The following KCNIP4 variants were observed in gnomAD, a reference collection of about 807,000 sequenced individuals.
KCNIP4 encodes the protein potassium voltage-gated channel interacting protein 4, also known as Kv channel-interacting protein 4.
A neutral mutation model predicts 34.0 loss-of-function variants in KCNIP4; 12 were observed. That is an observed-to-expected ratio of 0.35 (90% CI 0.23 to 0.57). The LOEUF (loss-of-function observed/expected upper bound fraction) is 0.57. Ranked by LOEUF, KCNIP4 falls within the 20% of genes least tolerant of loss-of-function variation. KCNIP4 has a pLI of 0.83. For missense variants in KCNIP4, 238 were observed against 311.7 expected, an observed-to-expected ratio of 0.76 and a Z score of 1.78; for synonymous variants, 124 against 102.2, an observed-to-expected ratio of 1.21 and a Z score of -1.29.
rs1171436191 is a variant in KCNIP4, at chr4:21,455,808, CATATATATATATATATAT to C, written c.61+492745_61+492762del. Among the ~76,000 whole-genome samples, 39 of 71,906 alleles carry C rather than the reference CATATATATATATATATAT, an allele frequency of 5.4e-4. 2 individuals carry two copies. The highest frequency in any genetic ancestry group is 3.2e-3 in the East Asian group (6 of 1,882). 47.2% of individuals were successfully genotyped at this position (71,906 alleles called of 152,430 possible). On this transcript the variant is annotated intron_variant, in intron 1 of 8. Coordinates refer to ENST00000382152, the MANE Select transcript of KCNIP4 (RefSeq NM_025221.6). ...TTAATGTGATAGTCTTACAGATATT[CATATATATATATATATAT>C]ATATATATATATATATATATATATA... is the stretch of plus-strand genomic sequence containing the variant.
intron 1 of KCNIP4, among the ~76,000 whole-genome samples, chr4:21,560,365 C>T (rs749364363): frequency 8.5e-5 from 13 of 152,082 alleles, no homozygotes; most frequent in African/African-American, 3.1e-4. Flanking sequence ...TGCAATTGAG[C>T]CTTATTAAAA....
At chr4:20,998,644 C>T (rs1419531956) in intron 1 of KCNIP4, among the ~76,000 whole-genome samples, 1 of 152,228 alleles carries the variant, frequency 6.6e-6, no homozygotes, top group East Asian at 1.9e-4. Flanking sequence ...AATTTTAATT[C>T]ACATCTCATT....
chr4:21,304,735 C>T (rs1001938183), intron 1 of KCNIP4: 1 of 152,154 alleles, frequency 6.6e-6, no homozygotes, highest in Non-Finnish European at 1.5e-5. Flanking sequence ...AAAGCTCAGT[C>T]ACTGAGCACT....
At chr4:21,744,640 A>G (rs906711681) in intron 1 of KCNIP4, among the ~76,000 whole-genome samples, 30 of 152,086 alleles carry the variant, frequency 2.0e-4, no homozygotes, top group African/African-American at 7.0e-4. Context: ...AGCCTCTGGG[A>G]CCCTGCTATA....
chr4:20,913,390 A>T (rs1728511692), intron 1 of KCNIP4, among the ~76,000 whole-genome samples: 1 of 152,218 alleles, frequency 6.6e-6, no homozygotes, highest in African/African-American at 2.4e-5. Context: ...AGAAAGAGGG[A>T]ATAGCAAGTA....
chr4:21,195,998 T>G (rs1756030718), intron 1 of KCNIP4, among the ~76,000 whole-genome samples: 1 of 152,220 alleles, frequency 6.6e-6, no homozygotes, highest in Admixed American at 6.5e-5. Context: ...TCTTTTTGTT[T>G]TTCATATTTT....
chr4:21,563,041 T>C (rs907578719), intron 1 of KCNIP4, among the ~76,000 whole-genome samples: 1 of 152,074 alleles, frequency 6.6e-6, no homozygotes, highest in African/African-American at 2.4e-5. Context: ...TTTAAAAACA[T>C]TACTTCTCTG....
At chr4:21,649,791 C>T (rs1747333235) in intron 1 of KCNIP4, among the ~76,000 whole-genome samples, 1 of 152,140 alleles carries the variant, frequency 6.6e-6, no homozygotes, top group South Asian at 2.1e-4. Context: ...CAACTCTAAA[C>T]TAGAGCTGAA....
chr4:21,668,809 C>T (rs1452139519), intron 1 of KCNIP4, among the ~76,000 whole-genome samples: 2 of 147,540 alleles, frequency 1.4e-5, no homozygotes, highest in African/African-American at 5.0e-5. Context: ...AATAAATAAA[C>T]ACAGTGAGAA....
At chr4:21,307,734 G>A (rs1192499756) in intron 1 of KCNIP4, among the ~76,000 whole-genome samples, 1 of 151,950 alleles carries the variant, frequency 6.6e-6, no homozygotes, top group Non-Finnish European at 1.5e-5. Flanking sequence ...TCCTCTGCCT[G>A]GGGAGCCTGA....
chr4:21,152,668 A>G (rs1752843566), intron 1 of KCNIP4, among the ~76,000 whole-genome samples: 1 of 151,854 alleles, frequency 6.6e-6, no homozygotes. Flanking sequence ...CCCAGGCCAC[A>G]GACTGACAGG....
At chr4:21,294,032 G>A (rs1763697171) in intron 1 of KCNIP4, among the ~76,000 whole-genome samples, 1 of 152,070 alleles carries the variant, frequency 6.6e-6, no homozygotes, top group South Asian at 2.1e-4. Context: ...AATTTCACAA[G>A]CATATACTTT....
chr4:21,886,969 A>G (rs1395106175), intron 1 of KCNIP4, among the ~76,000 whole-genome samples: 1 of 152,192 alleles, frequency 6.6e-6, no homozygotes, highest in African/African-American at 2.4e-5. Context: ...AGTCAGGAAT[A>G]CAGGCTAAAA....
chr4:21,734,760 C>A (rs537128702), intron 1 of KCNIP4, among the ~76,000 whole-genome samples: 19 of 152,118 alleles, frequency 1.2e-4, no homozygotes, highest in African/African-American at 2.4e-4. Context: ...AAGCTACAAT[C>A]CAGGTCTTGA....
At chr4:21,293,137 G>C (rs1309754465) in intron 1 of KCNIP4, among the ~76,000 whole-genome samples, 2 of 152,244 alleles carry the variant, frequency 1.3e-5, no homozygotes, top group East Asian at 1.9e-4. Flanking sequence ...CATCTACTCT[G>C]TCTGTCTTAT....
chr4:21,765,257 G>A (rs1193657396), intron 1 of KCNIP4, among the ~76,000 whole-genome samples: 1 of 151,328 alleles, frequency 6.6e-6, no homozygotes, highest in Non-Finnish European at 1.5e-5. Flanking sequence ...CGGGGCTCAA[G>A]TGATCCTCCC....
chr4:20,899,432 A>C (rs1726920476), intron 1 of KCNIP4, among the ~76,000 whole-genome samples: 1 of 152,210 alleles, frequency 6.6e-6, no homozygotes, highest in Non-Finnish European at 1.5e-5. Context: ...GTTAAAATTT[A>C]TCATAGCAGC....
At chr4:21,876,103 A>C (rs1553941625) in intron 1 of KCNIP4, among the ~76,000 whole-genome samples, 1 of 152,202 alleles carries the variant, frequency 6.6e-6, no homozygotes, top group East Asian at 1.9e-4. Context: ...TCCATAAAGA[A>C]AATTAATCAT....
At chr4:21,524,732 C>T (rs1397642013) in intron 1 of KCNIP4, among the ~76,000 whole-genome samples, 3 of 152,066 alleles carry the variant, frequency 2.0e-5, no homozygotes. Flanking sequence ...TTCTGTCTAT[C>T]TCCATTATCA....
Sources: gnomAD v4.1 joint callset for allele counts (sites outside exome capture counted in the v4.1 genomes callset) on GRCh38, gnomAD v4.1.1 for gene constraint, MANE v1.5 for transcripts, NCBI Gene and HGNC (gene_info 2026-07-23, HGNC 2026-07-21) for gene names.